The following NDST4 variants were observed in gnomAD, a reference collection of about 807,000 sequenced individuals.
The protein encoded by NDST4 is N-deacetylase and N-sulfotransferase 4, also known as N-heparan sulfate sulfotransferase 4.
NDST4 carries 63 observed loss-of-function variants against 100.8 expected under a neutral mutation model. The observed-to-expected ratio is 0.62, with a 90% CI of 0.51 to 0.77. The LOEUF is 0.77. Ranked by LOEUF, NDST4 falls within the 30% of genes least tolerant of loss-of-function variation. The pLI is 0.00. For missense variants in NDST4, 943 were observed against 1,018.4 expected, an observed-to-expected ratio of 0.93 and a Z score of 1.01; for synonymous variants, 377 against 361.8, an observed-to-expected ratio of 1.04 and a Z score of -0.48.
chr4:115,059,055 A>G (rs2126282503), intron 2 of NDST4, among the ~76,000 whole-genome samples: 1 of 152,002 alleles, frequency 6.6e-6, no homozygotes, highest in East Asian at 1.9e-4. Flanking sequence ...ATATCTTTCT[A>G]TTATCACATA....
At chr4:114,950,673 T>C (rs1282171868) in intron 4 of NDST4, among the ~76,000 whole-genome samples, 1 of 152,076 alleles carries the variant, frequency 6.6e-6, no homozygotes, top group Non-Finnish European at 1.5e-5. Context: ...AAGAGTACAG[T>C]AATTGGGCAT....
chr4:114,833,762 A>G (rs1326148059), intron 11 of NDST4, 47 bp from the exon 12 acceptor site: 1 of 1,255,512 alleles, frequency 8.0e-7, no homozygotes, highest in Admixed American at 1.9e-5. Context: ...AATTAAATTG[A>G]ATAGACTGTG....
At chr4:114,903,544 T>C (rs997988710) in intron 6 of NDST4, among the ~76,000 whole-genome samples, 1 of 151,964 alleles carries the variant, frequency 6.6e-6, no homozygotes, top group Non-Finnish European at 1.5e-5. Flanking sequence ...AGGTTTCTGT[T>C]CCAGTAAGTT....
chr4:115,065,856 A>G (rs1483135008), intron 2 of NDST4, among the ~76,000 whole-genome samples: 2 of 152,156 alleles, frequency 1.3e-5, no homozygotes, highest in East Asian at 1.9e-4. Context: ...TTGTAATTCA[A>G]TTAACACAGG....
intron 2 of NDST4, among the ~76,000 whole-genome samples, chr4:115,073,331 T>C (rs578188412): frequency 4.6e-5 from 7 of 152,096 alleles, no homozygotes; most frequent in African/African-American, 1.7e-4. Context: ...TCAAAGGAAA[T>C]GAATTCAACT....
intron 1 of NDST4, among the ~76,000 whole-genome samples, chr4:115,094,996 A>AT (rs1159910645): frequency 2.0e-5 from 3 of 152,118 alleles, no homozygotes; most frequent in Non-Finnish European, 4.4e-5. Context: ...TGGATTGCAA[A>AT]GTTAGTTGAA....
chr4:114,872,544 T>A (rs943859894), intron 6 of NDST4, among the ~76,000 whole-genome samples: 3 of 151,972 alleles, frequency 2.0e-5, no homozygotes, highest in South Asian at 4.1e-4. Context: ...ATTAAAATGA[T>A]CAAAGTCACA....
At chr4:114,952,517 G>A (rs2126232591) in intron 4 of NDST4, among the ~76,000 whole-genome samples, 1 of 152,176 alleles carries the variant, frequency 6.6e-6, no homozygotes, top group African/African-American at 2.4e-5. Context: ...GACTTACCAT[G>A]ATATAACACA....
At chr4:114,930,410 T>C (rs1725487927) in intron 6 of NDST4, among the ~76,000 whole-genome samples, 1 of 152,214 alleles carries the variant, frequency 6.6e-6, no homozygotes, top group African/African-American at 2.4e-5. Flanking sequence ...TTAATAGCCA[T>C]GCAGTTGTAG....
chr4:114,944,728 A>G (rs17622816), intron 4 of NDST4, among the ~76,000 whole-genome samples: 16,299 of 152,014 alleles, frequency 0.11, 1,299 homozygotes, highest in East Asian at 0.45. Flanking sequence ...CCTTGGTGCC[A>G]GCATGCATTG....
rs545296329 is a variant in NDST4 at position 114,962,887 on chromosome 4, C to T, written c.1221+7543G>A. ...AAAGAAAAGAACCACTTCACGCCCACTAGAATGACTATAATAAAGGTAGAT... is the reference window on the plus strand; with the variant it reads ...AAAGAAAAGAACCACTTCACGCCCATTAGAATGACTATAATAAAGGTAGAT... On this transcript the variant is annotated intron_variant, in intron 4 of 13. Coordinates refer to ENST00000264363, the MANE Select transcript of NDST4 (RefSeq NM_022569.3). Among the ~76,000 whole-genome samples, 3 of 152,120 alleles carry T rather than the reference C, an allele frequency of 2.0e-5. No homozygotes were observed. In the East Asian group the frequency reaches 5.8e-4, roughly 29 times the overall value.
In NDST4 at chr4:114,870,892, G is replaced by T; in HGVS notation, c.1595C>A (p.Thr532Asn). 3.1e-6 allele frequency: 5 copies of T among 1,612,934 alleles called. No homozygotes were observed. The highest frequency in any genetic ancestry group is 4.2e-6 in the Non-Finnish European group (5 of 1,179,330). ...CACAAAGTTGACCAAGTTCACAAAG[G>T]TATATAACCCTAGGCGGTCATTTCC... The part of the protein sequence containing the change: ...NYGNDRLGLY[T>N]FVNLVNFVQS... Residue 532 changes from threonine (T) to asparagine (N), a missense_variant, in exon 7 of 14, where the codon ACC (threonine) becomes AAC (asparagine). Around this residue, in one of 2 missense-constraint regions of NDST4, gnomAD observed 526 missense variants for 634.1 expected, o/e 0.83. Transcript: ENST00000264363.
chr4:114,931,619 G>A (rs1248169968), intron 6 of NDST4, among the ~76,000 whole-genome samples: 1 of 151,626 alleles, frequency 6.6e-6, no homozygotes, highest in Non-Finnish European at 1.5e-5. Context: ...GCTAGACTAA[G>A]GGAAAAGGAG....
chr4:114,886,033 G>T (rs897653996), intron 6 of NDST4, among the ~76,000 whole-genome samples: 5 of 152,046 alleles, frequency 3.3e-5, no homozygotes, highest in African/African-American at 1.2e-4. Context: ...GAGTGGTGGT[G>T]TCAATACTGA....
intron 6 of NDST4, among the ~76,000 whole-genome samples, chr4:114,908,103 G>A (rs1471877442): frequency 2.0e-5 from 3 of 152,134 alleles, no homozygotes; most frequent in African/African-American, 7.2e-5. Context: ...ACAGAGGAAT[G>A]ATCAAGTGAA....
At chr4:114,967,559 A>T (rs1239477679) in intron 4 of NDST4, among the ~76,000 whole-genome samples, 1 of 152,094 alleles carries the variant, frequency 6.6e-6, no homozygotes, top group African/African-American at 2.4e-5. Flanking sequence ...AAGGCTCTAG[A>T]GTAGGAGTGT....
intron 2 of NDST4, among the ~76,000 whole-genome samples, chr4:115,017,153 A>G (rs1166407573): frequency 6.6e-6 from 1 of 152,078 alleles, no homozygotes; most frequent in African/African-American, 2.4e-5. Context: ...TAAGTCATTC[A>G]AACAGAATGC....
chr4:115,058,125 T>C (rs1325940434), intron 2 of NDST4, among the ~76,000 whole-genome samples: 1 of 152,162 alleles, frequency 6.6e-6, no homozygotes, highest in African/African-American at 2.4e-5. Context: ...TTCTTTAAAA[T>C]GAAATGAGTG....
intron 8 of NDST4, among the ~76,000 whole-genome samples, chr4:114,849,128 G>A (rs981599361): frequency 1.3e-5 from 2 of 152,208 alleles, no homozygotes; most frequent in African/African-American, 2.4e-5. Context: ...GATAATTGGA[G>A]CACTAGATAG....
Sources: allele counts gnomAD v4.1 joint callset (sites outside exome capture counted in the v4.1 genomes callset), GRCh38; gene constraint gnomAD v4.1.1; regional missense constraint gnomAD v4.1.1; transcripts MANE v1.5; gene names NCBI Gene and HGNC (gene_info 2026-07-23, HGNC 2026-07-21).